Variants in ASAP1 observed in about 807,000 individuals in gnomAD.
ASAP1 encodes ArfGAP with SH3 domain, ankyrin repeat and PH domain 1.
A neutral mutation model predicts 145.2 loss-of-function variants in ASAP1; 43 were observed. That is an observed-to-expected ratio of 0.30 (90% CI 0.23 to 0.38). The LOEUF (loss-of-function observed/expected upper bound fraction) is 0.38, where lower values mean the gene tolerates loss of function less well. ASAP1 is among the 10% of genes least tolerant of loss of function. The pLI, the probability that ASAP1 is intolerant of heterozygous loss-of-function variation, is 1.00. For missense variants in ASAP1, 1,018 were observed against 1,355.3 expected (o/e 0.75, Z 3.91); for synonymous variants, 546 against 515.5 (o/e 1.06, Z -0.80).
chr8:130,069,297 G>T (rs565390046), intron 27 of ASAP1, among the ~76,000 whole-genome samples: 1 of 152,156 alleles, frequency 6.6e-6, no homozygotes, highest in Non-Finnish European at 1.5e-5. Context: ...GTGCAGTGGC[G>T]TGATCTTAGC....
intron 27 of ASAP1, among the ~76,000 whole-genome samples, chr8:130,067,791 C>T (rs777210017): frequency 3.3e-5 from 5 of 152,194 alleles, no homozygotes; most frequent in Non-Finnish European, 5.9e-5. Context: ...TAAAAGTGTA[C>T]ATAGCACACT....
chr8:130,387,634 A>G (rs1473940625), intron 2 of ASAP1, among the ~76,000 whole-genome samples: 1 of 149,356 alleles, frequency 6.7e-6, no homozygotes, highest in African/African-American at 2.5e-5. Context: ...TCCAGCCTGG[A>G]TGACAGAGCG....
At chr8:130,062,350 C>T (rs554515106) in intron 27 of ASAP1, among the ~76,000 whole-genome samples, 1 of 152,326 alleles carries the variant, frequency 6.6e-6, no homozygotes, top group South Asian at 2.1e-4. Context: ...ACAGGCTGTA[C>T]TAGGGCTGTT....
intron 3 of ASAP1, among the ~76,000 whole-genome samples, chr8:130,349,804 C>A (rs929796208): frequency 1.3e-5 from 2 of 152,216 alleles, no homozygotes; most frequent in Non-Finnish European, 2.9e-5. Context: ...ATGAGTGCCT[C>A]CCATGCATTG....
intron 3 of ASAP1, among the ~76,000 whole-genome samples, chr8:130,261,489 A>G (rs957811037): frequency 6.6e-6 from 1 of 152,170 alleles, no homozygotes; most frequent in Non-Finnish European, 1.5e-5. Flanking sequence ...GGAGGCTCGG[A>G]AAATACGGGA....
intron 5 of ASAP1, among the ~76,000 whole-genome samples, chr8:130,202,250 T>C (rs1037049834): frequency 6.6e-6 from 1 of 152,212 alleles, no homozygotes; most frequent in African/African-American, 2.4e-5. Context: ...TTCTTAGATA[T>C]TACATTTGTG....
At chr8:130,119,274 C>G (rs1433348391) in intron 18 of ASAP1, among the ~76,000 whole-genome samples, 3 of 152,108 alleles carry the variant, frequency 2.0e-5, no homozygotes, top group Non-Finnish European at 2.9e-5. Context: ...GGTGAGGAAA[C>G]TAAGGCTCAG....
At chr8:130,351,436 G>GAT (rs1212312734) in intron 3 of ASAP1, among the ~76,000 whole-genome samples, 13 of 152,138 alleles carry the variant, frequency 8.5e-5, no homozygotes, top group South Asian at 6.2e-4. Context: ...TAAATCCAAA[G>GAT]ATATATATAT....
chr8:130,345,029 C>A (rs1331060148), intron 3 of ASAP1, among the ~76,000 whole-genome samples: 1 of 152,154 alleles, frequency 6.6e-6, no homozygotes, highest in East Asian at 1.9e-4. Context: ...GAACTGAACT[C>A]AAGCCTCATC....
At chr8:130,167,514 T>A in intron 11 of ASAP1, 22 bp downstream of exon 11, 1 of 1,596,960 alleles carries the variant, frequency 6.3e-7, no homozygotes, top group Non-Finnish European at 8.6e-7. Flanking sequence ...TTAGCCCTGT[T>A]GTAAACATGT....
At chr8:130,081,358 G>A (rs1035079015) in intron 25 of ASAP1, among the ~76,000 whole-genome samples, 2 of 152,184 alleles carry the variant, frequency 1.3e-5, no homozygotes, top group African/African-American at 4.8e-5. Flanking sequence ...GCCCCAAGCT[G>A]CAGGCACCCA....
intron 1 of ASAP1, among the ~76,000 whole-genome samples, chr8:130,421,976 T>C (rs1829736546): frequency 6.6e-6 from 1 of 151,994 alleles, no homozygotes; most frequent in South Asian, 2.1e-4. Flanking sequence ...AGCCACAAAA[T>C]AGTGGGGGAG....
At chr8:130,145,358 C>A (rs990124033) in intron 13 of ASAP1, among the ~76,000 whole-genome samples, 2 of 152,094 alleles carry the variant, frequency 1.3e-5, no homozygotes, top group African/African-American at 4.8e-5. Context: ...CGCTCTGTTG[C>A]CCAGACTGGA....
rs551134877 is a variant in ASAP1, at chr8:130,061,877, T to C, written c.2702-808A>G. Among the ~76,000 whole-genome samples, 5 of 152,364 alleles carry C rather than the reference T, an allele frequency of 3.3e-5. No individual in the cohort carries two copies. The South Asian group carries it at 1.0e-3, about 32-fold the overall frequency. On this transcript the variant is annotated intron_variant, in intron 27 of 29. Coordinates refer to ENST00000518721, the MANE Select transcript of ASAP1 (RefSeq NM_018482.4). ...GTTGACCCATTTCCATAGCTCTTTG[T>C]ACAGCTCTTGGTACTTAGAAAACTA...
intron 26 of ASAP1, among the ~76,000 whole-genome samples, chr8:130,078,790 C>T (rs1018691871): frequency 2.6e-4 from 39 of 152,102 alleles, no homozygotes; most frequent in African/African-American, 9.4e-4. Context: ...GCTCTGACAT[C>T]TGCACCCACC....
rs1163409304 is a variant in ASAP1, at chr8:130,152,824, A to C, written c.1011-19T>G. On this transcript the variant is annotated intron_variant, in intron 12 of 29. Coordinates refer to ENST00000518721, the MANE Select transcript of ASAP1 (RefSeq NM_018482.4). ...CCGGATCCTAAGGAGGAAGTCAAACACAACTAGATATAGTAACTGATTCAC... is the reference window on the plus strand; with the variant it reads ...CCGGATCCTAAGGAGGAAGTCAAACCCAACTAGATATAGTAACTGATTCAC... 1.9e-6 allele frequency: 3 copies of C among 1,575,014 alleles called. No individual in the cohort carries two copies. The African/African-American group carries it at 4.0e-5, about 21-fold the overall frequency.
intron 2 of ASAP1, among the ~76,000 whole-genome samples, chr8:130,373,584 C>T (rs1426428007): frequency 1.3e-5 from 2 of 152,192 alleles, no homozygotes; most frequent in Non-Finnish European, 2.9e-5. Context: ...TGCAGTGGCT[C>T]ACGCCTGTTA....
intron 15 of ASAP1, among the ~76,000 whole-genome samples, chr8:130,128,628 T>C (rs2097578769): frequency 6.6e-6 from 1 of 152,206 alleles, no homozygotes; most frequent in Admixed American, 6.5e-5. Context: ...GAAAAAGGCA[T>C]ATTAACATGG....
chr8:130,429,253 G>A (rs776326260), intron 1 of ASAP1, among the ~76,000 whole-genome samples: 2 of 152,158 alleles, frequency 1.3e-5, no homozygotes, highest in Non-Finnish European at 2.9e-5. Flanking sequence ...TTGGGGGTTA[G>A]TACTTCAAGA....
Sources: allele counts gnomAD v4.1 joint callset (sites outside exome capture counted in the v4.1 genomes callset), GRCh38; gene constraint gnomAD v4.1.1; transcripts MANE v1.5; gene names NCBI Gene and HGNC (gene_info 2026-07-23, HGNC 2026-07-21).